DPP10: variants seen among roughly 807,000 people sequenced by gnomAD.
The protein encoded by DPP10 is dipeptidyl peptidase like 10, also known as inactive dipeptidyl peptidase 10.
In DPP10, 33 loss-of-function variants were observed where a neutral mutation model predicts 120.9. The ratio of observed to expected loss-of-function variants is 0.27; its 90% CI spans 0.21 to 0.37. DPP10 has a LOEUF of 0.37. DPP10 is among the 10% of genes least tolerant of loss of function. The pLI, the probability that DPP10 is intolerant of heterozygous loss-of-function variation, is 1.00. For synonymous variants in DPP10, 337 were observed against 326.1 expected (o/e 1.03, Z -0.36); for missense variants, 816 against 942.8 (o/e 0.87, Z 1.76).
At chr2:114,517,937 G>A (rs886828065) in intron 1 of DPP10, among the ~76,000 whole-genome samples, 9 of 152,052 alleles carry the variant, frequency 5.9e-5, no homozygotes, top group Admixed American at 2.6e-4. Flanking sequence ...TTGGCCTTTC[G>A]TCTTCGTCTT....
chr2:114,451,490 A>G (rs1678271598), intron 1 of DPP10, among the ~76,000 whole-genome samples: 1 of 152,138 alleles, frequency 6.6e-6, no homozygotes, highest in African/African-American at 2.4e-5. Flanking sequence ...ACAAAACCCA[A>G]GCCAGAACTC....
chr2:115,058,185 C>A (rs1249346045), intron 1 of DPP10, among the ~76,000 whole-genome samples: 1 of 147,822 alleles, frequency 6.8e-6, no homozygotes, highest in Non-Finnish European at 1.5e-5. Context: ...TATCATAGAA[C>A]TTTCTTTCTC....
Position 115,391,060 on chromosome 2 carries a change from G to T in DPP10, c.271+47148G>T, listed in dbSNP as rs192861812. The stretch of plus-strand genomic sequence containing the variant: ...AGCAGGAGAAGGAATATGGAAAAAT[G>T]CAGAGCTGTCAAGAAGGCTAATGCA... On this transcript the variant is annotated intron_variant, in intron 3 of 25. Coordinates refer to ENST00000410059, the MANE Select transcript of DPP10 (RefSeq NM_020868.6). Among the ~76,000 whole-genome samples the T allele has an allele frequency of 9.0e-4, 137 of 152,278 alleles. 1 individual carries two copies. The highest frequency in any genetic ancestry group is 1.7e-3 in the Non-Finnish European group (116 of 68,010).
intron 1 of DPP10, among the ~76,000 whole-genome samples, chr2:114,916,514 A>G (rs544381955): frequency 7.9e-4 from 120 of 152,226 alleles, no homozygotes; most frequent in African/African-American, 2.8e-3. Context: ...ACACAGACAC[A>G]AGAACAACAG....
intron 1 of DPP10, among the ~76,000 whole-genome samples, chr2:115,009,258 G>A (rs1463215630): frequency 6.6e-5 from 10 of 151,666 alleles, no homozygotes; most frequent in African/African-American, 2.2e-4. Context: ...CATAAAAAAC[G>A]ATGAGTTCAT....
chr2:114,916,026 A>G (rs1482376871), intron 1 of DPP10, among the ~76,000 whole-genome samples: 1 of 151,950 alleles, frequency 6.6e-6, no homozygotes, highest in East Asian at 1.9e-4. Flanking sequence ...GAATCCATAA[A>G]AAAGATAAAA....
chr2:115,712,640 T>C (rs1181523839), intron 7 of DPP10, among the ~76,000 whole-genome samples: 1 of 145,940 alleles, frequency 6.9e-6, no homozygotes, highest in East Asian at 2.1e-4. Context: ...CAGCAACTTT[T>C]TTCTGTAAAG....
At chr2:114,673,955 CAA>C (rs879887561) in intron 1 of DPP10, among the ~76,000 whole-genome samples, 5 of 152,076 alleles carry the variant, frequency 3.3e-5, no homozygotes, top group Non-Finnish European at 5.9e-5. Context: ...TCTCAGGAAA[CAA>C]GGGATTTTCA....
At chr2:114,878,132 A>G (rs539934474) in intron 1 of DPP10, among the ~76,000 whole-genome samples, 1 of 152,244 alleles carries the variant, frequency 6.6e-6, no homozygotes, top group Non-Finnish European at 1.5e-5. Flanking sequence ...AATAGGAAAC[A>G]TCAAGATGAT....
At chr2:115,173,724 T>A (rs1399143967) in intron 1 of DPP10, among the ~76,000 whole-genome samples, 1 of 152,212 alleles carries the variant, frequency 6.6e-6, no homozygotes, top group Non-Finnish European at 1.5e-5. Flanking sequence ...CTCATAGTTC[T>A]GACTCTGAGA....
At chr2:115,086,986 C>T (rs908155881) in intron 1 of DPP10, among the ~76,000 whole-genome samples, 1 of 152,164 alleles carries the variant, frequency 6.6e-6, no homozygotes, top group Non-Finnish European at 1.5e-5. Context: ...GGTCTTAACT[C>T]ACGAGAGCAA....
At chr2:115,193,248 C>T (rs1215013163) in intron 1 of DPP10, among the ~76,000 whole-genome samples, 1 of 152,022 alleles carries the variant, frequency 6.6e-6, no homozygotes, top group African/African-American at 2.4e-5. Flanking sequence ...TTTAAACAAC[C>T]AGTTAATTTA....
intron 3 of DPP10, among the ~76,000 whole-genome samples, chr2:115,426,581 G>A (rs952356010): frequency 1.5e-5 from 2 of 130,536 alleles, no homozygotes; most frequent in Non-Finnish European, 3.2e-5. Flanking sequence ...CTCACCAGGT[G>A]CCACCTCTGA....
chr2:115,579,343 A>T (rs965535523), intron 5 of DPP10: 8 of 152,218 alleles, frequency 5.3e-5, no homozygotes, highest in Non-Finnish European at 7.3e-5. Context: ...TACCTGTCTC[A>T]TTTATTGAAA....
intron 1 of DPP10, among the ~76,000 whole-genome samples, chr2:114,488,291 G>A (rs773024087): frequency 3.8e-4 from 58 of 152,260 alleles, no homozygotes; most frequent in South Asian, 1.7e-3. Flanking sequence ...TGGCTTATTT[G>A]TTAGGTGATC....
intron 1 of DPP10, among the ~76,000 whole-genome samples, chr2:114,853,862 A>AC (rs1689164361): frequency 6.6e-6 from 1 of 152,068 alleles, no homozygotes; most frequent in South Asian, 2.1e-4. Context: ...TGGTTGTGAA[A>AC]CCATGTGACT....
chr2:115,096,372 G>A (rs1709744663), intron 1 of DPP10, among the ~76,000 whole-genome samples: 1 of 152,078 alleles, frequency 6.6e-6, no homozygotes, highest in South Asian at 2.1e-4. Context: ...TATATGCGTT[G>A]ATATGCGTTC....
At chr2:115,340,269 G>T (rs1444117645) in intron 2 of DPP10, among the ~76,000 whole-genome samples, 2 of 151,960 alleles carry the variant, frequency 1.3e-5, no homozygotes, top group Non-Finnish European at 2.9e-5. Context: ...AATCTTATAG[G>T]TATAAAAATA....
At chr2:114,671,404 T>C (rs1306308773) in intron 1 of DPP10, among the ~76,000 whole-genome samples, 1 of 152,140 alleles carries the variant, frequency 6.6e-6, no homozygotes, top group Non-Finnish European at 1.5e-5. Context: ...TGATCTCCGA[T>C]GTTGGAGGTG....
Sources: gnomAD v4.1 joint callset for allele counts (sites outside exome capture counted in the v4.1 genomes callset) on GRCh38, gnomAD v4.1.1 for gene constraint, MANE v1.5 for transcripts, NCBI Gene and HGNC (gene_info 2026-07-23, HGNC 2026-07-21) for gene names.